ZNF577: variants seen among roughly 807,000 people sequenced by gnomAD.
The protein encoded by ZNF577 is zinc finger protein 577.
Under a neutral mutation model 13.9 loss-of-function variants are expected in ZNF577, and 14 were observed. That is an observed-to-expected ratio of 1.00 (90% confidence interval 0.66 to 1.57). The LOEUF (loss-of-function observed/expected upper bound fraction) is 1.57, where lower values mean the gene tolerates loss of function less well. Ranked by LOEUF, ZNF577 falls within the 40% of genes most tolerant of loss-of-function variation. ZNF577 has a pLI of 0.00. For missense variants in ZNF577, 555 were observed against 579.2 expected (o/e 0.96, Z 0.43); for synonymous variants, 203 against 202.9 (o/e 1.00, Z 0.00).
At chr19:51,847,001 A>G (rs770243751) in intron 5 of ZNF577, among the ~76,000 whole-genome samples, 1 of 152,188 alleles carries the variant, frequency 6.6e-6, no homozygotes, top group Non-Finnish European at 1.5e-5. Context: ...TGCAAGGTAG[A>G]TATTTTCAAT....
In ZNF577 at chr19:51,873,116, GA is replaced by G; in HGVS notation, c.873del (p.His292ThrfsTer22). The G allele has an allele frequency of 1.2e-6, 2 of 1,614,218 alleles. No homozygotes were observed. The highest frequency in any genetic ancestry group is 1.7e-6 in the Non-Finnish European group (2 of 1,180,032). The part of the protein sequence containing the change: ...QKAYLTAHQR[L>X]HTGDKPYKCS... ...CATTTATAAGGCTTATCTCCTGTGT[GA>G]AGTCTCTGGTGTGCAGTGAGGTATG... On this transcript the variant is annotated frameshift_variant, in exon 6 of 6. Coordinates refer to ENST00000638348, the MANE Select transcript of ZNF577 (RefSeq NM_001370449.1). LOFTEE classifies it low-confidence loss of function (END_TRUNC).
At chr19:51,811,075 C>A (rs2084093419) in intron 10 of ZNF577, among the ~76,000 whole-genome samples, 1 of 150,494 alleles carries the variant, frequency 6.6e-6, no homozygotes, top group Non-Finnish European at 1.5e-5. Flanking sequence ...ACAACAGATT[C>A]TTTCAGATTT....
intron 5 of ZNF577, among the ~76,000 whole-genome samples, chr19:51,857,414 G>GA (rs879678980): frequency 1.8e-5 from 2 of 113,232 alleles, no homozygotes; most frequent in African/African-American, 3.7e-5. Flanking sequence ...AAGAAAGAAA[G>GA]AAAGAAAGAA....
chr19:51,812,921 G>C (rs1259042595), intron 9 of ZNF577, among the ~76,000 whole-genome samples: 1 of 152,088 alleles, frequency 6.6e-6, no homozygotes, highest in African/African-American at 2.4e-5. Flanking sequence ...ACAAGTTTGA[G>C]ACCAGCCTGG....
intron 3 of ZNF577, 139 bp from the exon 4 acceptor site, chr19:51,878,654 A>T: frequency 9.9e-7 from 1 of 1,013,284 alleles, no homozygotes; most frequent in Non-Finnish European, 1.4e-6. Flanking sequence ...AGGACCATGG[A>T]ATTCCACCAA....
intron 1 of ZNF577, among the ~76,000 whole-genome samples, chr19:51,883,210 C>G (rs770619839): frequency 5.3e-5 from 8 of 151,966 alleles, no homozygotes; most frequent in Non-Finnish European, 1.2e-4. Flanking sequence ...CCAGGCTGGT[C>G]TTGAACTCCT....
intron 5 of ZNF577, among the ~76,000 whole-genome samples, chr19:51,874,108 T>C (rs2084715072): frequency 1.3e-5 from 2 of 152,296 alleles, no homozygotes; most frequent in Middle Eastern, 3.4e-3. Flanking sequence ...TCAATACAAC[T>C]TGGGCTGCCT....
chr19:51,832,601 A>G (rs1391242522), intron 9 of ZNF577, among the ~76,000 whole-genome samples: 1 of 152,104 alleles, frequency 6.6e-6, no homozygotes, highest in Non-Finnish European at 1.5e-5. Flanking sequence ...GTCATGTCAA[A>G]GAATTCTTTG....
chr19:51,879,149 T>C (rs1268373828), intron 3 of ZNF577, among the ~76,000 whole-genome samples: 1 of 151,076 alleles, frequency 6.6e-6, no homozygotes, highest in East Asian at 1.9e-4. Flanking sequence ...CCCAGCGACT[T>C]GGGAGGCTAA....
intron 9 of ZNF577, among the ~76,000 whole-genome samples, chr19:51,835,982 C>T (rs370590508): frequency 7.0e-4 from 106 of 152,232 alleles, no homozygotes; most frequent in South Asian, 2.3e-3. Context: ...CGTGAGCCAC[C>T]GCACCCGACC....
intron 9 of ZNF577, among the ~76,000 whole-genome samples, chr19:51,828,742 C>T (rs899401864): frequency 5.9e-5 from 9 of 152,214 alleles, no homozygotes; most frequent in Non-Finnish European, 7.3e-5. Context: ...CAGGCCTGGT[C>T]GGTCTGGGAC....
chr19:51,840,311 T>C (rs2084313535), intron 8 of ZNF577, among the ~76,000 whole-genome samples: 1 of 152,114 alleles, frequency 6.6e-6, no homozygotes, highest in Non-Finnish European at 1.5e-5. Flanking sequence ...TTTAGCCCCA[T>C]AGGCCCTTAA....
intron 5 of ZNF577, among the ~76,000 whole-genome samples, chr19:51,875,677 T>C (rs751839307): frequency 6.6e-6 from 1 of 152,242 alleles, no homozygotes; most frequent in African/African-American, 2.4e-5. Flanking sequence ...TCTGAATATA[T>C]GTGGACCTCT....
At chr19:51,832,879 T>C (rs999836649) in intron 9 of ZNF577, among the ~76,000 whole-genome samples, 4 of 152,076 alleles carry the variant, frequency 2.6e-5, no homozygotes, top group African/African-American at 9.7e-5. Flanking sequence ...TTGTGTTCCA[T>C]TGGTCTGTCT....
chr19:51,852,493 G>A (rs1247887933), intron 5 of ZNF577, among the ~76,000 whole-genome samples: 2 of 152,216 alleles, frequency 1.3e-5, no homozygotes, highest in East Asian at 3.9e-4. Context: ...TTTTTGCCCT[G>A]TTGAAATCTT....
chr19:51,864,452 G>T (rs1032367285), downstream of ZNF577, among the ~76,000 whole-genome samples: 1 of 152,056 alleles, frequency 6.6e-6, no homozygotes, highest in Non-Finnish European at 1.5e-5. Context: ...TTCATTAAGG[G>T]TATTATGTGG....
rs1393149935 is a variant in ZNF577 at position 51,880,358 on chromosome 19, A to T, written c.25T>A (p.Ser9Thr). 6.2e-7 allele frequency: 1 copy of T among 1,614,186 alleles called. No individual in the cohort carries two copies. The highest frequency in any genetic ancestry group is 8.5e-7 in the Non-Finnish European group (1 of 1,180,044). MKNATIVMSVRREQGSSSG... is the reference protein window; with the variant it reads MKNATIVMTVRREQGSSSG... ...GAACTGCCTTGCTCTCTCCTCACAG[A>T]CATTACAATCGTGGCATTTTTCATG... Residue 9 changes from serine (S) to threonine (T), a missense_variant, in exon 3 of 6, where the codon TCT becomes ACT. Physicochemically the swap from Ser to Thr is moderately conservative, Grantham distance 58. Coordinates refer to ENST00000638348, the MANE Select transcript of ZNF577 (RefSeq NM_001370449.1).
chr19:51,855,712 T>G (rs2084411459), intron 5 of ZNF577: 1 of 152,214 alleles, frequency 6.6e-6, no homozygotes, highest in Non-Finnish European at 1.5e-5. Context: ...CTGATCGTTT[T>G]TGACCAGTGC....
At chr19:51,843,895 AT>A (rs910301774) in intron 6 of ZNF577, among the ~76,000 whole-genome samples, 28 of 152,326 alleles carry the variant, frequency 1.8e-4, no homozygotes, top group African/African-American at 6.5e-4. Flanking sequence ...GGGGCAACAT[AT>A]GTATCTGTAT....
Sources: allele counts gnomAD v4.1 joint callset (sites outside exome capture counted in the v4.1 genomes callset), GRCh38; gene constraint gnomAD v4.1.1; transcripts MANE v1.5; gene names NCBI Gene and HGNC (gene_info 2026-07-23, HGNC 2026-07-21).